Variants in ARID3A observed in about 807,000 individuals in gnomAD.
ARID3A encodes the protein AT-rich interactive domain-containing protein 3A.
ARID3A carries 11 observed loss-of-function variants against 52.7 expected under a neutral mutation model. The ratio of observed to expected loss-of-function variants is 0.21; its 90% CI spans 0.13 to 0.35. The LOEUF is 0.35. Among genes scored for constraint, ARID3A ranks in the 10% least tolerant of loss-of-function variants. ARID3A has a pLI of 1.00. For synonymous variants in ARID3A, 404 were observed against 359.4 expected, an observed-to-expected ratio of 1.12 and a Z score of -1.40; for missense variants, 721 against 838.5, an observed-to-expected ratio of 0.86 and a Z score of 1.73.
In ARID3A at chr19:975,385, G is replaced by A. The variant is rs189847260; in HGVS notation, c.*3320G>A. ...CGGGGCACGGGGGGCAGCTGGGGTCGTTGTTAAGGGTCACGCATCTGTACA... is the reference window on the plus strand; with the variant it reads ...CGGGGCACGGGGGGCAGCTGGGGTCATTGTTAAGGGTCACGCATCTGTACA... On this transcript the variant is annotated 3_prime_UTR_variant, in exon 9 of 9. Coordinates refer to ENST00000263620, the MANE Select transcript of ARID3A (RefSeq NM_005224.3). 347 of 231,572 alleles carry A rather than the reference G, an allele frequency of 1.5e-3. No individual in the cohort carries two copies. Among genetic ancestry groups the A allele is most frequent in the South Asian group, 0.013 (74 of 5,498 alleles). 14.3% of individuals were successfully genotyped at this position (231,572 alleles called of 1,614,324 possible). A position where few individuals can be genotyped will look rare whatever the true frequency, so the allele number is the denominator to read the frequency against.
chr19:963,371 A>G (rs976330113), intron 4 of ARID3A, among the ~76,000 whole-genome samples: 3 of 152,288 alleles, frequency 2.0e-5, no homozygotes, highest in South Asian at 2.1e-4. Context: ...ACTGTACACA[A>G]TTGATCTCCT....
In ARID3A at chr19:944,476, C is replaced by T. The variant is rs73509639; in HGVS notation, c.693+11734C>T. Among the ~76,000 whole-genome samples the T allele has an allele frequency of 0.059, 8,915 of 152,110 alleles. 878 individuals are homozygous for T. The highest frequency in any genetic ancestry group is 0.2 in the African/African-American group (8,435 of 41,466). On this transcript the variant is annotated intron_variant, in intron 3 of 8. Coordinates refer to ENST00000263620, the MANE Select transcript of ARID3A (RefSeq NM_005224.3). This position sits in a 1 kb window ranked among gnomAD's most constrained non-coding sequence, Gnocchi z 5.9. ...CTCAGCCCCGTTGCTTCGGTCGATG[C>T]CCCCAAACCTTGACCCATCTCAGGG...
chr19:935,705 G>A (rs2037424961), intron 3 of ARID3A, among the ~76,000 whole-genome samples: 1 of 152,108 alleles, frequency 6.6e-6, no homozygotes, highest in Admixed American at 6.5e-5. Flanking sequence ...CTGGGCTCAG[G>A]TGATCTGCCC....
chr19:966,124 G>A (rs1217405612), intron 6 of ARID3A, among the ~76,000 whole-genome samples: 1 of 150,612 alleles, frequency 6.6e-6, no homozygotes, highest in Non-Finnish European at 1.5e-5. Flanking sequence ...TCGCGCCACT[G>A]CCCTCCAGCC....
chr19:927,880 AG>A (rs2037234479), intron 1 of ARID3A, among the ~76,000 whole-genome samples: 1 of 151,492 alleles, frequency 6.6e-6, no homozygotes, highest in African/African-American at 2.4e-5. Context: ...GCTTTCTCCC[AG>A]GGGCCACCCA....
chr19:931,154 T>A (rs2037319051), intron 2 of ARID3A, among the ~76,000 whole-genome samples: 1 of 150,928 alleles, frequency 6.6e-6, no homozygotes, highest in South Asian at 2.1e-4. Context: ...ATTAGTCGGG[T>A]GTTGTGGCAT....
chr19:967,224 C>T (rs539788688), intron 7 of ARID3A, among the ~76,000 whole-genome samples: 2 of 152,022 alleles, frequency 1.3e-5, no homozygotes, highest in Non-Finnish European at 2.9e-5. Flanking sequence ...CGCCACTGCA[C>T]TCCAGCCTGG....
chr19:970,792 T>G (rs2038263013), intron 8 of ARID3A, among the ~76,000 whole-genome samples: 1 of 151,938 alleles, frequency 6.6e-6, no homozygotes, highest in South Asian at 2.1e-4. Flanking sequence ...TAGTTTTTCT[T>G]AAAGTGGAGT....
In ARID3A at chr19:975,816, A is replaced by G. The variant is rs1483330522; in HGVS notation, c.*3751A>G. On this transcript the variant is annotated 3_prime_UTR_variant, in exon 9 of 9. Coordinates refer to ENST00000263620, the MANE Select transcript of ARID3A (RefSeq NM_005224.3). ...ATTTAAAAGAACACTGAAAGTTTAC[A>G]TTTTATAGTAACATTATTATGCAGA... 5.1e-6 allele frequency: 1 copy of G among 194,902 alleles called. No individual in the cohort carries two copies. Among genetic ancestry groups the G allele is most frequent in the Admixed American group, 6.1e-5 (1 of 16,426 alleles). 12.1% of individuals were successfully genotyped at this position (194,902 alleles called of 1,614,324 possible).
Position 964,164 on chromosome 19 carries a change from G to A in ARID3A, c.767-84G>A. ...ACAGCCTGGGCGGGGGAGTGCTCCTGGCATGGAGAGGGCGGAGGCCAGGAC... is the reference window on the plus strand; with the variant it reads ...ACAGCCTGGGCGGGGGAGTGCTCCTAGCATGGAGAGGGCGGAGGCCAGGAC... On this transcript the variant is annotated intron_variant, in intron 4 of 8. Transcript: ENST00000263620. The surrounding 1 kb of genome is among the most constrained non-coding windows in gnomAD (Gnocchi z 5.7). The A allele has an allele frequency of 8.4e-7, 1 of 1,192,998 alleles. No individual in the cohort carries two copies. Among genetic ancestry groups the A allele is most frequent in the Non-Finnish European group, 1.2e-6 (1 of 840,690 alleles). 73.9% of individuals were successfully genotyped at this position (1,192,998 alleles called of 1,614,324 possible).
In ARID3A at chr19:975,252, C is replaced by T. The variant is rs1446873056; in HGVS notation, c.*3187C>T. 1 of 228,934 alleles carries T rather than the reference C, an allele frequency of 4.4e-6. No homozygotes were observed. The highest frequency in any genetic ancestry group is 8.7e-6 in the Non-Finnish European group (1 of 115,454). 14.2% of individuals were successfully genotyped at this position (228,934 alleles called of 1,614,324 possible). A position where few individuals can be genotyped will look rare whatever the true frequency, so the allele number is the denominator to read the frequency against. On this transcript the variant is annotated 3_prime_UTR_variant, in exon 9 of 9. Coordinates refer to ENST00000263620, the MANE Select transcript of ARID3A (RefSeq NM_005224.3). ...GCGTACTGAGTGGGTGCCCCACAGT[C>T]AAGGCCAACGGGGGCTCCCCCTGCT...
Position 959,993 on chromosome 19 carries a change from T to C in ARID3A, c.694-99T>C, listed in dbSNP as rs1419936158. The C allele has an allele frequency of 9.4e-7, 1 of 1,068,862 alleles. No homozygotes were observed. Among genetic ancestry groups the C allele is most frequent in the Non-Finnish European group, 1.4e-6 (1 of 737,122 alleles). 66.2% of individuals were successfully genotyped at this position (1,068,862 alleles called of 1,614,324 possible). ...TGAGGGTCCTAGGGGTGGTGACCCCTGCTCCTGTCCTCCTGACCTGGCCTC... is the reference window on the plus strand; with the variant it reads ...TGAGGGTCCTAGGGGTGGTGACCCCCGCTCCTGTCCTCCTGACCTGGCCTC... On this transcript the variant is annotated intron_variant, in intron 3 of 8. Coordinates refer to ENST00000263620, the MANE Select transcript of ARID3A (RefSeq NM_005224.3). This position sits in a 1 kb window ranked among gnomAD's most constrained non-coding sequence, Gnocchi z 5.0.
chr19:964,770 G>A lies in ARID3A; in HGVS notation c.951-63G>A, dbSNP rs537553384. On this transcript the variant is annotated intron_variant, in intron 5 of 8. Transcript: ENST00000263620. This position sits in a 1 kb window ranked among gnomAD's most constrained non-coding sequence, Gnocchi z 5.7. Reference sequence around the variant, plus strand: ...GCCACAGTGGGGTTTACTTTGTACTGAAGGCCAAAGAGAGCCGTAGGGGTG... The same window carrying A: ...GCCACAGTGGGGTTTACTTTGTACTAAAGGCCAAAGAGAGCCGTAGGGGTG... The A allele has an allele frequency of 8.9e-6, 14 of 1,566,292 alleles. No individual in the cohort carries two copies. The African/African-American group carries it at 1.8e-4, about 20-fold the overall frequency.
intron 3 of ARID3A, among the ~76,000 whole-genome samples, chr19:950,620 C>T (rs1460127201): frequency 6.6e-6 from 1 of 152,168 alleles, no homozygotes; most frequent in African/African-American, 2.4e-5. Context: ...CAGTAGGGAG[C>T]CACGGTTGAC....
In ARID3A at chr19:941,693, C is replaced by T. The variant is rs1237294389; in HGVS notation, c.693+8951C>T. Reference sequence around the variant, plus strand: ...TCTCAAACTCCTGGGCTCAAGTGATCCTCCCGCCTCGGTCTCTGAAAGTGC... The same window carrying T: ...TCTCAAACTCCTGGGCTCAAGTGATTCTCCCGCCTCGGTCTCTGAAAGTGC... On this transcript the variant is annotated intron_variant, in intron 3 of 8. Transcript: ENST00000263620. This position sits in a 1 kb window ranked among gnomAD's most constrained non-coding sequence, Gnocchi z 6.9. 2.6e-5 allele frequency among the ~76,000 whole-genome samples: 4 copies of T among 152,024 alleles called. No individual in the cohort carries two copies. The highest frequency in any genetic ancestry group is 4.4e-5 in the Non-Finnish European group (3 of 68,012).
At chr19:961,023 G>A (rs891336016) in intron 4 of ARID3A, among the ~76,000 whole-genome samples, 7 of 152,164 alleles carry the variant, frequency 4.6e-5, no homozygotes, top group Admixed American at 1.3e-4. Context: ...CCAAGTCCTC[G>A]TCGGCCGGAG....
Position 974,974 on chromosome 19 carries a change from A to G in ARID3A, c.*2909A>G, listed in dbSNP as rs550080827. On this transcript the variant is annotated 3_prime_UTR_variant, in exon 9 of 9. Coordinates refer to ENST00000263620, the MANE Select transcript of ARID3A (RefSeq NM_005224.3). ...AATGGGAGGCGGTTGCAGAGGGTCTATGGGGCCCGGTCCTGGATACTCGGC... is the reference window on the plus strand; with the variant it reads ...AATGGGAGGCGGTTGCAGAGGGTCTGTGGGGCCCGGTCCTGGATACTCGGC... 6.7e-3 allele frequency: 1,564 copies of G among 232,032 alleles called. 6 individuals carry two copies. The highest frequency in any genetic ancestry group is 9.3e-3 in the Non-Finnish European group (1,092 of 117,340). The allele number at this position is 232,032 out of a possible 1,614,324, so 14.4% of individuals were successfully genotyped here.
rs1487443487 is a variant in ARID3A at position 975,324 on chromosome 19, C to T, written c.*3259C>T. ...GGCTTCTGGAACCTTCCGTGGGACC[C>T]GTAAGTGGCTGTCCAGAAAGGCGGG... On this transcript the variant is annotated 3_prime_UTR_variant, in exon 9 of 9. Transcript: ENST00000263620. 2.1e-5 allele frequency: 4 copies of T among 187,692 alleles called. No homozygotes were observed. The highest frequency in any genetic ancestry group is 1.7e-4 in the East Asian group (2 of 11,484). The allele number at this position is 187,692 out of a possible 1,614,324, so 11.6% of individuals were successfully genotyped here. A position where few individuals can be genotyped will look rare whatever the true frequency, so the allele number is the denominator to read the frequency against.
chr19:932,958 C>T lies in ARID3A; in HGVS notation c.693+216C>T, dbSNP rs79426712. Among the ~76,000 whole-genome samples, 1,338 of 152,246 alleles carry T rather than the reference C, an allele frequency of 8.8e-3. 18 individuals carry two copies. Among genetic ancestry groups the T allele is most frequent in the African/African-American group, 0.031 (1,277 of 41,544 alleles). On this transcript the variant is annotated intron_variant, in intron 3 of 8. Transcript: ENST00000263620. ...TGATGTGGGATGTGTGAGGAGCACC[C>T]GGCCGGGTAGGAGAAACCTGGGGGG...
Sources: gnomAD v4.1 joint callset for allele counts (sites outside exome capture counted in the v4.1 genomes callset) on GRCh38, gnomAD v4.1.1 for gene constraint, Gnocchi (gnomAD v3.1) non-coding constraint, MANE v1.5 for transcripts, NCBI Gene and HGNC (gene_info 2026-07-23, HGNC 2026-07-21) for gene names.